RBM20: variants seen among roughly 807,000 people sequenced by gnomAD.
The protein encoded by RBM20 is RNA-binding protein 20.
In RBM20, 51 loss-of-function variants were observed where a neutral mutation model predicts 110.1. The observed-to-expected ratio is 0.46, with a 90% CI of 0.37 to 0.59. The LOEUF is 0.59. Ranked by LOEUF, RBM20 falls within the 20% of genes least tolerant of loss-of-function variation. The probability of loss-of-function intolerance (pLI) is 0.00; values close to 1 mark genes in which losing one functional copy is unlikely to be tolerated. For missense variants in RBM20, 1,512 were observed against 1,574.9 expected, an observed-to-expected ratio of 0.96 and a Z score of 0.68; for synonymous variants, 589 against 618.2, an observed-to-expected ratio of 0.95 and a Z score of 0.70.
chr10:110,816,255 C>T (rs1844837048), intron 9 of RBM20, among the ~76,000 whole-genome samples: 1 of 152,076 alleles, frequency 6.6e-6, no homozygotes, highest in Non-Finnish European at 1.5e-5. Context: ...ACACCCCAAC[C>T]TGCTCTTCTC....
intron 1 of RBM20, among the ~76,000 whole-genome samples, chr10:110,726,356 T>C (rs1590638754): frequency 1.3e-5 from 2 of 152,150 alleles, no homozygotes; most frequent in Admixed American, 1.3e-4. Context: ...TCCCCTATCC[T>C]CTCATGGCAT....
At chr10:110,650,379 T>C (rs1861928841) in intron 1 of RBM20, among the ~76,000 whole-genome samples, 1 of 152,208 alleles carries the variant, frequency 6.6e-6, no homozygotes, top group Admixed American at 6.5e-5. Context: ...ATGGCACATA[T>C]TGGTGCTGAT....
intron 7 of RBM20, among the ~76,000 whole-genome samples, chr10:110,808,522 T>C (rs1207455592): frequency 6.6e-6 from 1 of 152,222 alleles, no homozygotes; most frequent in African/African-American, 2.4e-5. Context: ...TGCCCAGTGC[T>C]GAGTTCCTGG....
At chr10:110,727,038 G>T (rs538510795) in intron 1 of RBM20, among the ~76,000 whole-genome samples, 1 of 152,024 alleles carries the variant, frequency 6.6e-6, no homozygotes, top group East Asian at 1.9e-4. Context: ...AGCAGAGACA[G>T]GGTTTCGTCA....
intron 1 of RBM20, among the ~76,000 whole-genome samples, chr10:110,648,714 AG>A (rs11425051): frequency 0.23 from 33,218 of 145,924 alleles, 4,578 homozygotes; most frequent in Middle Eastern, 0.34. Context: ...AGGGAAGAAA[AG>A]GGGGGGGTGC....
intron 1 of RBM20, among the ~76,000 whole-genome samples, chr10:110,668,437 G>A (rs751231726): frequency 1.1e-4 from 17 of 152,148 alleles, no homozygotes; most frequent in Non-Finnish European, 2.5e-4. Context: ...GATGCGTAAA[G>A]TCTCCCCTAA....
chr10:110,794,571 C>T (rs1344762951), intron 5 of RBM20, among the ~76,000 whole-genome samples: 1 of 152,194 alleles, frequency 6.6e-6, no homozygotes, highest in Non-Finnish European at 1.5e-5. Context: ...TATCTTGGCA[C>T]TCCTATAACC....
chr10:110,674,992 G>A (rs1365768346), intron 1 of RBM20, among the ~76,000 whole-genome samples: 4 of 152,192 alleles, frequency 2.6e-5, no homozygotes, highest in Non-Finnish European at 4.4e-5. Flanking sequence ...TCTAATACAC[G>A]TTCCAAGGCA....
At chr10:110,767,057 C>T (rs1308527933) in intron 1 of RBM20, among the ~76,000 whole-genome samples, 8 of 132,480 alleles carry the variant, frequency 6.0e-5, no homozygotes, top group Admixed American at 2.1e-4. Flanking sequence ...ACCTCCCGGA[C>T]GGGGCGGCTG....
intron 7 of RBM20, among the ~76,000 whole-genome samples, chr10:110,801,532 AGTTTT>A (rs992521042): frequency 6.6e-6 from 1 of 151,592 alleles, no homozygotes; most frequent in Admixed American, 6.6e-5. Flanking sequence ...GGTTTATCAC[AGTTTT>A]GTTTTGTTTT....
rs200758964 is a variant in RBM20 at position 110,802,383 on chromosome 10, CTTTTT to C, written c.1800+2479_1800+2483del. 8.1e-3 allele frequency among the ~76,000 whole-genome samples: 1,101 copies of C among 135,224 alleles called. 13 individuals carry two copies. The highest frequency in any genetic ancestry group is 0.028 in the African/African-American group (1,046 of 37,556). The allele number at this position is 135,224 out of a possible 152,430, so 88.7% of individuals were successfully genotyped here. A position where few individuals can be genotyped will look rare whatever the true frequency, so the allele number is the denominator to read the frequency against. On this transcript the variant is annotated intron_variant, in intron 7 of 13. Coordinates refer to ENST00000369519, the MANE Select transcript of RBM20 (RefSeq NM_001134363.3). ...CAGTTCTCCTTCAGGCAGAACCTGG[CTTTTT>C]TTTTTTTTTTTTTCCTAATAAAAGT... is the stretch of plus-strand genomic sequence containing the variant.
chr10:110,746,048 T>C (rs1215076801), intron 1 of RBM20, among the ~76,000 whole-genome samples: 1 of 152,202 alleles, frequency 6.6e-6, no homozygotes, highest in Non-Finnish European at 1.5e-5. Flanking sequence ...CTTCAGCTGT[T>C]CTTGCCTGGG....
intron 1 of RBM20, among the ~76,000 whole-genome samples, chr10:110,680,619 T>C (rs1479096104): frequency 6.6e-6 from 1 of 152,202 alleles, no homozygotes; most frequent in Non-Finnish European, 1.5e-5. Flanking sequence ...TACGGCTAAC[T>C]AGCGTGGGCT....
intron 6 of RBM20, among the ~76,000 whole-genome samples, chr10:110,799,212 A>C (rs1844590318): frequency 6.6e-6 from 1 of 152,166 alleles, no homozygotes; most frequent in South Asian, 2.1e-4. Flanking sequence ...TATAGGGATC[A>C]GCTCAAGGCC....
intron 1 of RBM20, among the ~76,000 whole-genome samples, chr10:110,668,346 T>A (rs898179318): frequency 2.0e-5 from 3 of 152,174 alleles, no homozygotes; most frequent in African/African-American, 7.2e-5. Flanking sequence ...TTTGGAAGGT[T>A]AAGGTGCAGC....
At chr10:110,747,297 G>C (rs11195300) in intron 1 of RBM20, among the ~76,000 whole-genome samples, 4 of 80,400 alleles carry the variant, frequency 5.0e-5, no homozygotes, top group East Asian at 2.1e-4. Context: ...CTCTTTTTTT[G>C]GGGGGGGGGG....
At chr10:110,656,117 A>G (rs1862023568) in intron 1 of RBM20, among the ~76,000 whole-genome samples, 1 of 152,166 alleles carries the variant, frequency 6.6e-6, no homozygotes, top group East Asian at 1.9e-4. Flanking sequence ...CCTGGCCAAC[A>G]TGGTGAAACT....
At chr10:110,748,381 C>T (rs1843810146) in intron 1 of RBM20, among the ~76,000 whole-genome samples, 1 of 152,124 alleles carries the variant, frequency 6.6e-6, no homozygotes, top group Non-Finnish European at 1.5e-5. Context: ...TCAAAGAGCT[C>T]AGAGTATGTC....
At chr10:110,793,612 G>T (rs151104251) in intron 5 of RBM20, among the ~76,000 whole-genome samples, 2 of 152,264 alleles carry the variant, frequency 1.3e-5, no homozygotes, top group African/African-American at 4.8e-5. Flanking sequence ...AGCTTGATAG[G>T]TTACATCTCC....
Sources: allele counts gnomAD v4.1 joint callset (sites outside exome capture counted in the v4.1 genomes callset), GRCh38; gene constraint gnomAD v4.1.1; transcripts MANE v1.5; gene names NCBI Gene and HGNC (gene_info 2026-07-23, HGNC 2026-07-21).